Variants in SKIL observed in about 807,000 individuals in gnomAD.
The protein encoded by SKIL is ski-like protein.
SKIL carries 20 observed loss-of-function variants against 69.6 expected under a neutral mutation model. The ratio of observed to expected loss-of-function variants is 0.29; its 90% CI spans 0.20 to 0.42. The LOEUF is 0.42. Ranked by LOEUF, SKIL falls within the 10% of genes least tolerant of loss-of-function variation. The pLI is 1.00. For synonymous variants in SKIL, 310 were observed against 279.9 expected, an observed-to-expected ratio of 1.11 and a Z score of -1.08; for missense variants, 745 against 783.1, an observed-to-expected ratio of 0.95 and a Z score of 0.58.
rs1577453558 is a variant in SKIL, at chr3:170,394,143, T to A, written c.*1726T>A. Reference sequence around the variant, plus strand: ...TTTTTTTTTTTTTTTTTTTTTTTTTTTTTGAGACAGAGTCTCGCTGTCTCC... The same window carrying A: ...TTTTTTTTTTTTTTTTTTTTTTTTTATTTGAGACAGAGTCTCGCTGTCTCC... On this transcript the variant is annotated 3_prime_UTR_variant, in exon 7 of 7. Transcript: ENST00000259119. 1 of 62,806 alleles carries A rather than the reference T, an allele frequency of 1.6e-5. No homozygotes were observed. Among genetic ancestry groups the A allele is most frequent in the Non-Finnish European group, 3.7e-5 (1 of 27,298 alleles). The allele number at this position is 62,806 out of a possible 1,614,324, so 3.9% of individuals were successfully genotyped here.
At chr3:170,358,547 T>G (rs1247917957) in intron 1 of SKIL, 1 of 152,748 alleles carries the variant, frequency 6.5e-6, no homozygotes. Flanking sequence ...TCTTGCTCTC[T>G]TCCTTGGCCT....
At position 170,384,716 on chromosome 3, in the gene SKIL, A is replaced by G. The variant is rs140141944; in HGVS notation, c.1380A>G (p.Glu460=). ...TVSYPDVSLE[E]QEKMDLKTSR... ...CTTATCCAGATGTCTCACTTGAGGAACAGGAGAAAATGGATTTAAAAACAA... is the reference window on the plus strand; with the variant it reads ...CTTATCCAGATGTCTCACTTGAGGAGCAGGAGAAAATGGATTTAAAAACAA... Residue 460 remains glutamate (E), a synonymous_variant, in exon 4 of 7, where the codon GAA becomes GAG. Coordinates refer to ENST00000259119, the MANE Select transcript of SKIL (RefSeq NM_005414.5). The G allele has an allele frequency of 6.2e-7, 1 of 1,610,668 alleles. No homozygotes were observed. The highest frequency in any genetic ancestry group is 8.5e-7 in the Non-Finnish European group (1 of 1,177,630).
intron 2 of SKIL, among the ~76,000 whole-genome samples, chr3:170,371,921 A>G (rs1250188314): frequency 1.3e-5 from 2 of 152,248 alleles, no homozygotes; most frequent in African/African-American, 4.8e-5. Context: ...AGATTAATCA[A>G]TCTCTGTTTT....
chr3:170,366,261 A>G (rs1736505937), intron 2 of SKIL, among the ~76,000 whole-genome samples: 1 of 152,062 alleles, frequency 6.6e-6, no homozygotes, highest in Non-Finnish European at 1.5e-5. Context: ...TAAAATATGT[A>G]ATATATTAAT....
chr3:170,384,141 C>T (rs540838082), intron 3 of SKIL, among the ~76,000 whole-genome samples: 2 of 151,738 alleles, frequency 1.3e-5, no homozygotes, highest in African/African-American at 4.8e-5. Context: ...TCACTTGAGC[C>T]CAGGAGTTCA....
At chr3:170,391,427 C>T (rs1489425711) in intron 6 of SKIL, among the ~76,000 whole-genome samples, 167 bp downstream of exon 6, 1 of 151,834 alleles carries the variant, frequency 6.6e-6, no homozygotes, top group Non-Finnish European at 1.5e-5. Flanking sequence ...AAGCAATTTT[C>T]CTGCCTCAGC....
intron 2 of SKIL, 94 bp from the exon 3 acceptor site, chr3:170,381,149 GT>G (rs1186153251): frequency 2.8e-6 from 2 of 726,328 alleles, no homozygotes; most frequent in Non-Finnish European, 5.1e-6. Context: ...AATAATGTTA[GT>G]TGTCTTTACC....
At chr3:170,358,322 G>T (rs868063033) in intron 1 of SKIL, among the ~76,000 whole-genome samples, 3 of 151,898 alleles carry the variant, frequency 2.0e-5, no homozygotes, top group African/African-American at 7.3e-5. Flanking sequence ...GGCCCCCGCG[G>T]GGGGGCGGTG....
In SKIL at chr3:170,360,446, A is replaced by G; in HGVS notation, c.115A>G (p.Asn39Asp). The change falls in exon 2 of 7, where the codon AAT becomes GAT. Residue 39 changes from asparagine to aspartate, a missense_variant. Asn to Asp is a conservative substitution (Grantham distance 23). Transcript: ENST00000259119. ...AAAAATGATAACGGACATTCATGCA[A>G]ATGGAAAAACGATAAACAAGGTGCC... ...AKKMITDIHANGKTINKVPTV... is the reference protein window; with the variant it reads ...AKKMITDIHADGKTINKVPTV... 2 of 1,613,996 alleles carry G rather than the reference A, an allele frequency of 1.2e-6. No individual in the cohort carries two copies. Among genetic ancestry groups the G allele is most frequent in the Non-Finnish European group, 1.7e-6 (2 of 1,179,984 alleles).
chr3:170,380,306 A>G (rs1385892513), intron 2 of SKIL, among the ~76,000 whole-genome samples: 2 of 152,182 alleles, frequency 1.3e-5, no homozygotes, highest in African/African-American at 2.4e-5. Flanking sequence ...AGGAATAAGA[A>G]TCAATTTTCC....
At chr3:170,378,874 TTTATTTA>T (rs1737183754) in intron 2 of SKIL, among the ~76,000 whole-genome samples, 2 of 150,320 alleles carry the variant, frequency 1.3e-5, no homozygotes, top group African/African-American at 4.9e-5. Flanking sequence ...TATTTATTTA[TTTATTTA>T]TTTTTTTTAT....
intron 3 of SKIL, among the ~76,000 whole-genome samples, chr3:170,382,036 C>T (rs141931077): frequency 0.032 from 4,868 of 151,566 alleles, 257 homozygotes; most frequent in African/African-American, 0.11. Context: ...GAGCCGAGAT[C>T]GCGTCATTGC....
chr3:170,362,324 GA>G (rs1390912349), intron 2 of SKIL, among the ~76,000 whole-genome samples: 1 of 145,846 alleles, frequency 6.9e-6, no homozygotes, highest in Non-Finnish European at 1.5e-5. Flanking sequence ...CCAACATGGT[GA>G]AATCCCATCT....
rs770940600 is a variant in SKIL, at chr3:170,384,583, C to A, written c.1247C>A (p.Thr416Asn). The A allele has an allele frequency of 1.2e-5, 20 of 1,612,588 alleles. No homozygotes were observed. Among genetic ancestry groups the A allele is most frequent in the Non-Finnish European group, 1.6e-5 (19 of 1,179,144 alleles). The change falls in exon 4 of 7, where the codon ACT (threonine) becomes AAT (asparagine). Residue 416 changes from threonine to asparagine, a missense_variant. By Grantham distance (65) the Thr-to-Asn change is moderately conservative. Coordinates refer to ENST00000259119, the MANE Select transcript of SKIL (RefSeq NM_005414.5). ...DKVVAPNVSLTSAVSQSKELT... is the reference protein window; with the variant it reads ...DKVVAPNVSLNSAVSQSKELT... ...GTGGTTGCCCCAAATGTGTCACTTA[C>A]TTCTGCTGTATCCCAGTCTAAAGAG...
intron 3 of SKIL, 45 bp downstream of exon 3, chr3:170,381,386 T>G: frequency 1.1e-6 from 1 of 898,062 alleles, no homozygotes; most frequent in Non-Finnish European, 1.9e-6. Context: ...ATTTCTTCAT[T>G]CAACAACTAT....
chr3:170,382,874 AC>A (rs1737434430), intron 3 of SKIL, among the ~76,000 whole-genome samples: 1 of 150,656 alleles, frequency 6.6e-6, no homozygotes, highest in Non-Finnish European at 1.5e-5. Flanking sequence ...ATCCGCTGCT[AC>A]GCCCAGCTAA....
At chr3:170,383,032 A>G (rs1226154038) in intron 3 of SKIL, among the ~76,000 whole-genome samples, 1 of 152,118 alleles carries the variant, frequency 6.6e-6, no homozygotes, top group Non-Finnish European at 1.5e-5. Flanking sequence ...CAACTTTGAT[A>G]TTTTAAAAAG....
chr3:170,389,062 A>G (rs577956500), intron 4 of SKIL, among the ~76,000 whole-genome samples: 1 of 151,354 alleles, frequency 6.6e-6, no homozygotes, highest in East Asian at 2.0e-4. Flanking sequence ...TAGTAGAGAC[A>G]GAGTTTTACC....
intron 3 of SKIL, among the ~76,000 whole-genome samples, chr3:170,383,309 GA>G (rs2108217066): frequency 6.6e-6 from 1 of 152,274 alleles, no homozygotes; most frequent in South Asian, 2.1e-4. Flanking sequence ...TGTCCTGTCA[GA>G]AAACTGAGAT....
Sources: allele counts gnomAD v4.1 joint callset (sites outside exome capture counted in the v4.1 genomes callset), GRCh38; gene constraint gnomAD v4.1.1; transcripts MANE v1.5; gene names NCBI Gene and HGNC (gene_info 2026-07-23, HGNC 2026-07-21).